Variants in RAPGEF1 observed in about 807,000 individuals in gnomAD.
RAPGEF1 encodes the protein CRK SH3-binding GNRP.
A neutral mutation model predicts 143.3 loss-of-function variants in RAPGEF1; 33 were observed. The ratio of observed to expected loss-of-function variants is 0.23; its 90% CI spans 0.17 to 0.31. The LOEUF is 0.31. Ranked by LOEUF, RAPGEF1 falls within the 10% of genes least tolerant of loss-of-function variation. RAPGEF1 has a pLI of 1.00. For synonymous variants in RAPGEF1, 629 were observed against 676.5 expected (o/e 0.93, Z 1.09); for missense variants, 1,199 against 1,645.4 (o/e 0.73, Z 4.69).
At chr9:131,719,581 G>A (rs1437928180) in intron 1 of RAPGEF1, among the ~76,000 whole-genome samples, 2 of 95,326 alleles carry the variant, frequency 2.1e-5, no homozygotes, top group Admixed American at 1.4e-4. Context: ...TTTTTTTTGA[G>A]ACAGTCTCAC....
chr9:131,717,501 C>T (rs557682841), intron 1 of RAPGEF1, among the ~76,000 whole-genome samples: 3 of 152,228 alleles, frequency 2.0e-5, no homozygotes, highest in East Asian at 1.9e-4. Flanking sequence ...ATAGGCCAGG[C>T]GCGGTGGCTC....
At chr9:131,639,437 AGTGTGTGTGT>A (rs3837234) in intron 4 of RAPGEF1, among the ~76,000 whole-genome samples, 48,279 of 149,096 alleles carry the variant, frequency 0.32, 8,031 homozygotes, top group Middle Eastern at 0.41. Context: ...AACGCAGGTG[AGTGTGTGTGT>A]GTGTGTGTGT....
intron 1 of RAPGEF1, 37 bp downstream of exon 1, chr9:131,739,733 C>A: frequency 9.1e-7 from 1 of 1,102,074 alleles, no homozygotes; most frequent in Non-Finnish European, 1.1e-6. Context: ...CAGGGCCGGG[C>A]CCGGCCGGAG....
rs745438195 is a variant in RAPGEF1, at chr9:131,630,222, T to C, written c.740+14A>G. The C allele has an allele frequency of 6.8e-6, 11 of 1,612,462 alleles. No individual in the cohort carries two copies. In the East Asian group the frequency reaches 2.5e-4, roughly 36 times the overall value. ...AGCGTGACACCCGCGACACGAGGGTTAGTCAGCACCTACCCATCAGGCTTG... is the reference window on the plus strand; with the variant it reads ...AGCGTGACACCCGCGACACGAGGGTCAGTCAGCACCTACCCATCAGGCTTG... On this transcript the variant is annotated intron_variant, in intron 6 of 26. Transcript: ENST00000683357.
intron 1 of RAPGEF1, among the ~76,000 whole-genome samples, chr9:131,706,678 C>T (rs1449303465): frequency 6.6e-6 from 1 of 152,212 alleles, no homozygotes; most frequent in Non-Finnish European, 1.5e-5. Context: ...GGACCACTCC[C>T]TATCCCTGTT....
At chr9:131,613,254 G>C (rs953404453) in intron 12 of RAPGEF1, among the ~76,000 whole-genome samples, 79 of 24,726 alleles carry the variant, frequency 3.2e-3, no homozygotes, top group African/African-American at 0.019. Context: ...AAAACACGGT[G>C]GGGGAGAAGA....
At chr9:131,649,177 C>T (rs1005958608) in intron 3 of RAPGEF1, among the ~76,000 whole-genome samples, 10 of 148,912 alleles carry the variant, frequency 6.7e-5, no homozygotes, top group African/African-American at 2.0e-4. Context: ...GGATTACAGG[C>T]GCCTGCCACT....
chr9:131,629,778 C>A (rs1964346392), intron 6 of RAPGEF1, among the ~76,000 whole-genome samples: 1 of 151,750 alleles, frequency 6.6e-6, no homozygotes, highest in Non-Finnish European at 1.5e-5. Context: ...GCCACAGAGA[C>A]TCTGTCTCAA....
At chr9:131,669,573 T>G (rs1831016005) in intron 1 of RAPGEF1, among the ~76,000 whole-genome samples, 1 of 152,156 alleles carries the variant, frequency 6.6e-6, no homozygotes, top group Admixed American at 6.5e-5. Context: ...CGAGGGCAGT[T>G]CAGGCTCCTT....
chr9:131,631,689 A>C (rs1322936088), intron 5 of RAPGEF1, among the ~76,000 whole-genome samples: 2 of 152,270 alleles, frequency 1.3e-5, no homozygotes, highest in African/African-American at 4.8e-5. Flanking sequence ...AAAAAGCACC[A>C]CACACAAAAA....
chr9:131,587,630 G>T, intron 22 of RAPGEF1, 106 bp downstream of exon 22: 2 of 1,021,398 alleles, frequency 2.0e-6, no homozygotes, highest in South Asian at 2.8e-5. Context: ...AATGAAAGAG[G>T]CAGCTCCTTC....
At chr9:131,710,305 A>G (rs1446399819) in intron 1 of RAPGEF1, among the ~76,000 whole-genome samples, 1 of 152,218 alleles carries the variant, frequency 6.6e-6, no homozygotes, top group African/African-American at 2.4e-5. Flanking sequence ...GCTACACCTC[A>G]GTCTCCAAAG....
chr9:131,619,443 G>A (rs887616935), intron 11 of RAPGEF1, among the ~76,000 whole-genome samples: 1 of 152,334 alleles, frequency 6.6e-6, no homozygotes, highest in South Asian at 2.1e-4. Flanking sequence ...TGTGTCCACT[G>A]GAAGCAGGTT....
intron 1 of RAPGEF1, among the ~76,000 whole-genome samples, chr9:131,696,922 G>A (rs1834227444): frequency 6.6e-6 from 1 of 152,240 alleles, no homozygotes; most frequent in African/African-American, 2.4e-5. Context: ...GCCAAGTATT[G>A]TCAAGCATTC....
chr9:131,649,471 A>G (rs1457678343), intron 3 of RAPGEF1, among the ~76,000 whole-genome samples: 1 of 152,188 alleles, frequency 6.6e-6, no homozygotes, highest in Non-Finnish European at 1.5e-5. Context: ...CTGACGTCAG[A>G]CAGCCTGCAT....
intron 1 of RAPGEF1, among the ~76,000 whole-genome samples, chr9:131,708,980 A>G (rs1009786624): frequency 2.0e-5 from 3 of 152,174 alleles, no homozygotes; most frequent in Non-Finnish European, 4.4e-5. Flanking sequence ...TGATCCGCCT[A>G]CCTTGGCCTC....
chr9:131,586,233 C>CACA (rs1424995750), intron 22 of RAPGEF1, among the ~76,000 whole-genome samples: 1 of 147,892 alleles, frequency 6.8e-6, no homozygotes, highest in African/African-American at 2.5e-5. Flanking sequence ...CACACACACA[C>CACA]CTGCAGAGCA....
At chr9:131,590,243 C>A (rs1588234364) in intron 18 of RAPGEF1, among the ~76,000 whole-genome samples, 1 of 152,154 alleles carries the variant, frequency 6.6e-6, no homozygotes, top group South Asian at 2.1e-4. Context: ...CTGTCCAGAC[C>A]CGCCTTTCCA....
At chr9:131,694,614 C>G (rs1406803034) in intron 1 of RAPGEF1, among the ~76,000 whole-genome samples, 1 of 152,032 alleles carries the variant, frequency 6.6e-6, no homozygotes, top group East Asian at 1.9e-4. Context: ...GCCTGGCATG[C>G]CTGTGCCCCA....
Sources: gnomAD v4.1 joint callset for allele counts (sites outside exome capture counted in the v4.1 genomes callset) on GRCh38, gnomAD v4.1.1 for gene constraint, MANE v1.5 for transcripts, NCBI Gene and HGNC (gene_info 2026-07-23, HGNC 2026-07-21) for gene names.